Variants in FOXP2 observed in about 807,000 individuals in gnomAD.
FOXP2 encodes forkhead box P2.
FOXP2 carries 12 observed loss-of-function variants against 115.8 expected under a neutral mutation model. That is an observed-to-expected ratio of 0.10 (90% CI 0.07 to 0.17). The LOEUF is 0.17. FOXP2 is among the 10% of genes least tolerant of loss of function. FOXP2 has a pLI of 1.00. For missense variants in FOXP2, 629 were observed against 843.5 expected (o/e 0.75, Z 3.15); for synonymous variants, 328 against 297.7 (o/e 1.10, Z -1.05).
intron 3 of FOXP2, among the ~76,000 whole-genome samples, chr7:114,600,486 A>G (rs997231433): frequency 7.2e-5 from 11 of 152,194 alleles, no homozygotes; most frequent in Non-Finnish European, 1.6e-4. Context: ...ATTTGTGTGC[A>G]GAGTTTTGTG....
In FOXP2 at chr7:114,383,458, G is replaced by C. The variant is rs190165306; in HGVS notation, c.-10-43044G>C. On this transcript the variant is annotated intron_variant, in intron 2 of 17. Transcript: ENST00000634411. ...GGGGAAGGAGTCAGGGGGATGCTGGGATAGGGAGGTAGACTCTGAGGGCTT... is the reference window on the plus strand; with the variant it reads ...GGGGAAGGAGTCAGGGGGATGCTGGCATAGGGAGGTAGACTCTGAGGGCTT... Among the ~76,000 whole-genome samples, 500 of 152,244 alleles carry C rather than the reference G, an allele frequency of 3.3e-3. 2 individuals carry two copies. Among genetic ancestry groups the C allele is most frequent in the Non-Finnish European group, 5.0e-3 (338 of 68,016 alleles).
intron 2 of FOXP2, chr7:114,288,228 T>G (rs1796512024): frequency 1.0e-5 from 4 of 392,224 alleles, no homozygotes; most frequent in South Asian, 7.8e-5. Flanking sequence ...GTTAAGAAGT[T>G]GTTTTCAGCG....
chr7:114,506,809 G>T (rs1425020176), intron 2 of FOXP2, among the ~76,000 whole-genome samples: 1 of 151,678 alleles, frequency 6.6e-6, no homozygotes, highest in Non-Finnish European at 1.5e-5. Flanking sequence ...CTCAGTGGTT[G>T]GCACTCACTA....
chr7:114,346,164 A>T (rs576073203), intron 2 of FOXP2, among the ~76,000 whole-genome samples: 4 of 151,966 alleles, frequency 2.6e-5, no homozygotes, highest in East Asian at 1.9e-4. Context: ...AAAATAATTT[A>T]TCAGGAGTAA....
At chr7:114,185,822 T>C (rs1023908975) in intron 1 of FOXP2, among the ~76,000 whole-genome samples, 2 of 152,174 alleles carry the variant, frequency 1.3e-5, no homozygotes, top group Non-Finnish European at 2.9e-5. Context: ...TTAAAAATAT[T>C]TTTCTAAGGA....
chr7:114,459,067 T>G (rs555353254), intron 2 of FOXP2, among the ~76,000 whole-genome samples: 26 of 152,218 alleles, frequency 1.7e-4, no homozygotes, highest in African/African-American at 5.3e-4. Flanking sequence ...CCCAATGTTG[T>G]CTCTCATTAT....
At chr7:114,180,673 C>A (rs1474701313) in intron 1 of FOXP2, among the ~76,000 whole-genome samples, 3 of 151,906 alleles carry the variant, frequency 2.0e-5, no homozygotes, top group Non-Finnish European at 4.4e-5. Context: ...CACTCAGTTG[C>A]CTGTGTCAGA....
At chr7:114,463,871 A>G (rs76853245) in intron 2 of FOXP2, among the ~76,000 whole-genome samples, 4,229 of 152,340 alleles carry the variant, frequency 0.028, 89 homozygotes, top group Non-Finnish European at 0.041. Flanking sequence ...AGAAAGAACA[A>G]GGAAATGATA....
At chr7:114,380,555 T>A (rs983591690) in intron 2 of FOXP2, among the ~76,000 whole-genome samples, 3 of 152,220 alleles carry the variant, frequency 2.0e-5, no homozygotes, top group African/African-American at 7.2e-5. Context: ...TTTGAGCAAT[T>A]ACTTGTTGAC....
intron 2 of FOXP2, among the ~76,000 whole-genome samples, chr7:114,435,561 G>T (rs1794303994): frequency 6.6e-6 from 1 of 152,100 alleles, no homozygotes; most frequent in African/African-American, 2.4e-5. Context: ...TTTTGAGATG[G>T]AGTATTGCTC....
In FOXP2 at chr7:114,336,786, G is replaced by T. The variant is rs568952453; in HGVS notation, c.-11+48677G>T. Reference sequence around the variant, plus strand: ...TACAATAATCTGTTCATTTGTCTTAGAAGAGGGGAGAAAAAAACCCAGAAT... The same window carrying T: ...TACAATAATCTGTTCATTTGTCTTATAAGAGGGGAGAAAAAAACCCAGAAT... On this transcript the variant is annotated intron_variant, in intron 2 of 17. Coordinates refer to the FOXP2 transcript ENST00000634411. Among the ~76,000 whole-genome samples, 9 of 151,550 alleles carry T rather than the reference G, an allele frequency of 5.9e-5. No homozygotes were observed. In the South Asian group the frequency reaches 1.9e-3, roughly 31 times the overall value.
intron 2 of FOXP2, among the ~76,000 whole-genome samples, chr7:114,457,782 C>T (rs1795378241): frequency 6.6e-6 from 1 of 151,626 alleles, no homozygotes. Flanking sequence ...CCTGTAGTCC[C>T]AGCTATTGGG....
intron 2 of FOXP2, among the ~76,000 whole-genome samples, chr7:114,493,102 G>A (rs1275853561): frequency 6.6e-6 from 1 of 152,114 alleles, no homozygotes; most frequent in Non-Finnish European, 1.5e-5. Context: ...CCTGTATTGG[G>A]TGCGTATACA....
intron 2 of FOXP2, among the ~76,000 whole-genome samples, chr7:114,524,239 C>T (rs1274074677): frequency 6.6e-6 from 1 of 151,948 alleles, no homozygotes; most frequent in Non-Finnish European, 1.5e-5. Context: ...ATTTCAGAGA[C>T]ACTTTTTTAA....
chr7:114,304,546 TG>T (rs760738769), intron 2 of FOXP2, among the ~76,000 whole-genome samples: 1 of 151,600 alleles, frequency 6.6e-6, no homozygotes, highest in Non-Finnish European at 1.5e-5. Context: ...GGTGCGTGCC[TG>T]TAGTCCCAGC....
At chr7:114,493,689 C>G (rs1321932785) in intron 2 of FOXP2, among the ~76,000 whole-genome samples, 3 of 152,062 alleles carry the variant, frequency 2.0e-5, no homozygotes, top group Admixed American at 6.6e-5. Flanking sequence ...TTCTGTCTCT[C>G]TCACATACAC....
chr7:114,575,471 C>T (rs1801523789), intron 3 of FOXP2, among the ~76,000 whole-genome samples: 1 of 151,752 alleles, frequency 6.6e-6, no homozygotes, highest in Non-Finnish European at 1.5e-5. Context: ...CAGTGTTATC[C>T]ACTGAGAGGA....
intron 3 of FOXP2, among the ~76,000 whole-genome samples, chr7:114,603,685 C>T (rs1803152882): frequency 6.6e-6 from 1 of 152,052 alleles, no homozygotes; most frequent in Non-Finnish European, 1.5e-5. Flanking sequence ...AGAATGATTG[C>T]CCTGTGGCTA....
upstream of FOXP2, among the ~76,000 whole-genome samples, chr7:114,410,476 G>A (rs1793136812): frequency 6.6e-6 from 1 of 152,092 alleles, no homozygotes; most frequent in South Asian, 2.1e-4. Flanking sequence ...TGTAAAAAAG[G>A]TAATATTATC....
Sources: allele counts gnomAD v4.1 joint callset (sites outside exome capture counted in the v4.1 genomes callset), GRCh38; gene constraint gnomAD v4.1.1; transcripts MANE v1.5; gene names NCBI Gene and HGNC (gene_info 2026-07-23, HGNC 2026-07-21).